The following PIEZO2 variants were observed in gnomAD, a reference collection of about 807,000 sequenced individuals.
PIEZO2 encodes the protein piezo-type mechanosensitive ion channel component 2.
In PIEZO2, 172 loss-of-function variants were observed where a neutral mutation model predicts 337.3. The ratio of observed to expected loss-of-function variants is 0.51; its 90% CI spans 0.45 to 0.58. The LOEUF (loss-of-function observed/expected upper bound fraction) is 0.58, where lower values mean the gene tolerates loss of function less well. Ranked by LOEUF, PIEZO2 falls within the 20% of genes least tolerant of loss-of-function variation. The pLI is 0.00. For synonymous variants in PIEZO2, 1,251 were observed against 1,228.5 expected, an observed-to-expected ratio of 1.02 and a Z score of -0.38; for missense variants, 3,028 against 3,391.3, an observed-to-expected ratio of 0.89 and a Z score of 2.66.
rs531783126 is a variant in PIEZO2, at chr18:10,952,210, T to C, written c.286+27325A>G. Among the ~76,000 whole-genome samples the C allele has an allele frequency of 4.6e-5, 7 of 152,334 alleles. No individual in the cohort carries two copies. In the South Asian group the frequency reaches 1.5e-3, roughly 32 times the overall value. ...ATGTGTTACCACTGTGGTCGCTGGCTCTTTTTAAATCATTTTTTTTCTTAT... is the reference window on the plus strand; with the variant it reads ...ATGTGTTACCACTGTGGTCGCTGGCCCTTTTTAAATCATTTTTTTTCTTAT... On this transcript the variant is annotated intron_variant, in intron 3 of 55. Coordinates refer to ENST00000674853, the MANE Select transcript of PIEZO2 (RefSeq NM_001378183.1). This position sits in a 1 kb window ranked among gnomAD's most constrained non-coding sequence, Gnocchi z 4.1.
rs1410595491 is a variant in PIEZO2 at position 10,767,262 on chromosome 18, AG to A, written c.2946+2885del. On this transcript the variant is annotated intron_variant, in intron 21 of 55. Transcript: ENST00000674853. This position sits in a 1 kb window ranked among gnomAD's most constrained non-coding sequence, Gnocchi z 4.2. The stretch of plus-strand genomic sequence containing the variant: ...TGAATAAGATGCTGATGGAAAATAA[AG>A]GTTTCTCTGTTTCTTTTCCAGCAAC... Among the ~76,000 whole-genome samples the A allele has an allele frequency of 6.6e-6, 1 of 152,228 alleles. No individual in the cohort carries two copies. Among genetic ancestry groups the A allele is most frequent in the Admixed American group, 6.5e-5 (1 of 15,292 alleles).
rs1037157938 is a variant in PIEZO2 at position 11,028,733 on chromosome 18, C to G, written c.160+37394G>C. Among the ~76,000 whole-genome samples the G allele has an allele frequency of 1.3e-5, 2 of 152,188 alleles. No individual in the cohort carries two copies. Among genetic ancestry groups the G allele is most frequent in the African/African-American group, 2.4e-5 (1 of 41,448 alleles). On this transcript the variant is annotated intron_variant, in intron 2 of 55. Coordinates refer to ENST00000674853, the MANE Select transcript of PIEZO2 (RefSeq NM_001378183.1). The surrounding 1 kb of genome is among the most constrained non-coding windows in gnomAD (Gnocchi z 4.8). ...TCTGGAAGGAGAAGAAAGTGAGAAT[C>G]TGATCAGGTCTGAATAATACATGGC...
At chr18:10,975,916 C>T (rs1194755448) in intron 3 of PIEZO2, among the ~76,000 whole-genome samples, 1 of 152,114 alleles carries the variant, frequency 6.6e-6, no homozygotes, top group Non-Finnish European at 1.5e-5. Context: ...ACACTGATGA[C>T]CAAGACAGGT....
At position 10,762,996 on chromosome 18, in the gene PIEZO2, C is replaced by T. The variant is rs1017749700; in HGVS notation, c.3049G>A (p.Val1017Met). 6.5e-6 allele frequency: 10 copies of T among 1,537,332 alleles called. No individual in the cohort carries two copies. Among genetic ancestry groups the T allele is most frequent in the African/African-American group, 1.4e-5 (1 of 73,182 alleles). The change falls in exon 22 of 56, where the codon GTG (valine) becomes ATG (methionine). Residue 1017 changes from valine to methionine, a missense_variant. By Grantham distance (21) the Val-to-Met change is conservative. Transcript: ENST00000674853. Reference protein sequence around the residue: ...ASSVCTVWTCVIIVCKMLYQL... With the variant: ...ASSVCTVWTCMIIVCKMLYQL... ...TACAACATTTTGCAGACGATGATCA[C>T]ACACGTCCAGACTGTGCAGACACTT...
Position 11,003,012 on chromosome 18 carries a change from A to G in PIEZO2, c.161-23352T>C, listed in dbSNP as rs1192875944. Among the ~76,000 whole-genome samples the G allele has an allele frequency of 6.6e-6, 1 of 152,220 alleles. No homozygotes were observed. The highest frequency in any genetic ancestry group is 1.9e-4 in the East Asian group (1 of 5,190). ...CTGCTACCAGAGGCTTCCTCCTTGA[A>G]TGACCAACATCCGTTGCATGAGGTC... On this transcript the variant is annotated intron_variant, in intron 2 of 55. Coordinates refer to ENST00000674853, the MANE Select transcript of PIEZO2 (RefSeq NM_001378183.1). The surrounding 1 kb of genome is among the most constrained non-coding windows in gnomAD (Gnocchi z 4.6).
intron 52 of PIEZO2, among the ~76,000 whole-genome samples, chr18:10,678,933 CTTTTTTT>C (rs552952913): frequency 0.059 from 7,594 of 128,522 alleles, 279 homozygotes; most frequent in Middle Eastern, 0.15. Context: ...GCTGCAATTT[CTTTTTTT>C]TTTTTTTTTT....
intron 36 of PIEZO2, among the ~76,000 whole-genome samples, chr18:10,719,370 A>G (rs1345627342): frequency 1.3e-5 from 2 of 152,130 alleles, no homozygotes; most frequent in East Asian, 3.9e-4. Flanking sequence ...CCCGCATTTG[A>G]TAATCTCCAG....
intron 2 of PIEZO2, among the ~76,000 whole-genome samples, chr18:11,020,802 C>A (rs758318668): frequency 6.6e-6 from 1 of 152,152 alleles, no homozygotes; most frequent in Non-Finnish European, 1.5e-5. Flanking sequence ...AGAGAGCTTT[C>A]GGAATACTTG....
In PIEZO2 at chr18:11,105,443, C is replaced by T. The variant is rs927601200; in HGVS notation, c.65-39221G>A. 1.8e-4 allele frequency among the ~76,000 whole-genome samples: 27 copies of T among 152,186 alleles called. No homozygotes were observed. The highest frequency in any genetic ancestry group is 6.3e-4 in the African/African-American group (26 of 41,446). On this transcript the variant is annotated intron_variant, in intron 1 of 55. Coordinates refer to ENST00000674853, the MANE Select transcript of PIEZO2 (RefSeq NM_001378183.1). This position sits in a 1 kb window ranked among gnomAD's most constrained non-coding sequence, Gnocchi z 4.3. ...AACGCATTCCAGCACCTCACATCTTCATCCTCACGACACACTTCCACACTT... is the reference window on the plus strand; with the variant it reads ...AACGCATTCCAGCACCTCACATCTTTATCCTCACGACACACTTCCACACTT...
At chr18:10,958,734 T>C (rs1387634518) in intron 3 of PIEZO2, among the ~76,000 whole-genome samples, 2 of 152,188 alleles carry the variant, frequency 1.3e-5, no homozygotes, top group Non-Finnish European at 2.9e-5. Context: ...AACAAAAAGC[T>C]ACTTTTCCCA....
chr18:10,825,568 T>TTTTTTTTTTTTTTG (rs2040647679), intron 7 of PIEZO2, among the ~76,000 whole-genome samples: 1 of 149,092 alleles, frequency 6.7e-6, no homozygotes, highest in Non-Finnish European at 1.5e-5. Flanking sequence ...TTTTTTTTTT[T>TTTTTTTTTTTTTTG]GAGACAGAAT....
intron 2 of PIEZO2, among the ~76,000 whole-genome samples, chr18:11,045,570 T>C (rs547877302): frequency 1.1e-4 from 16 of 152,266 alleles, no homozygotes; most frequent in African/African-American, 3.6e-4. Context: ...CACTTGTTTA[T>C]GGTATGAGAA....
chr18:10,812,264 T>A (rs2040217098), intron 7 of PIEZO2, among the ~76,000 whole-genome samples: 1 of 152,222 alleles, frequency 6.6e-6, no homozygotes. Flanking sequence ...TTACTCAGAC[T>A]ACTACGAATA....
chr18:10,910,700 G>A (rs2030405347), intron 4 of PIEZO2, among the ~76,000 whole-genome samples: 1 of 152,178 alleles, frequency 6.6e-6, no homozygotes, highest in African/African-American at 2.4e-5. Flanking sequence ...TTTCTTTTGG[G>A]GAGATGCTGG....
In PIEZO2 at chr18:11,149,478, T is replaced by C. The variant is rs2040898662; in HGVS notation, c.-890A>G. The stretch of plus-strand genomic sequence containing the variant: ...CAAGAGAAAAACCAGCGCCGTCCCG[T>C]CGCCCAGCGCGACCACCGCCTGCCG... On this transcript the variant is annotated 5_prime_UTR_variant, in exon 1 of 56. Transcript: ENST00000674853. The surrounding 1 kb of genome is among the most constrained non-coding windows in gnomAD (Gnocchi z 8.7). 6.6e-6 allele frequency among the ~76,000 whole-genome samples: 1 copy of C among 151,676 alleles called. No individual in the cohort carries two copies. The highest frequency in any genetic ancestry group is 2.1e-4 in the South Asian group (1 of 4,814).
chr18:10,726,763 T>A lies in PIEZO2; in HGVS notation c.5029+4644A>T, dbSNP rs1345094585. The A allele has an allele frequency of 1.3e-6, 2 of 1,514,532 alleles. No homozygotes were observed. The highest frequency in any genetic ancestry group is 2.8e-5 in the African/African-American group (2 of 72,292). 93.8% of individuals were successfully genotyped at this position (1,514,532 alleles called of 1,614,324 possible). ...GACCATCGATTTCCCGCTGCTGACC[T>A]CACTGGGCAAGGTGTCCTATGAGGA... is the stretch of plus-strand genomic sequence containing the variant. On this transcript the variant is annotated intron_variant, in intron 36 of 55. Transcript: ENST00000674853. The surrounding 1 kb of genome is among the most constrained non-coding windows in gnomAD (Gnocchi z 5.9).
intron 3 of PIEZO2, among the ~76,000 whole-genome samples, chr18:10,923,379 A>T (rs2031539789): frequency 6.6e-6 from 1 of 152,198 alleles, no homozygotes; most frequent in South Asian, 2.1e-4. Flanking sequence ...GAGAATTGTT[A>T]TAATTCCAAG....
intron 33 of PIEZO2, chr18:10,738,725 T>C (rs768440433): frequency 1.1e-4 from 16 of 152,214 alleles, no homozygotes; most frequent in Admixed American, 1.3e-4. Flanking sequence ...CCACTACTTT[T>C]ATCCTCAGAA....
At position 11,102,430 on chromosome 18, in the gene PIEZO2, A is replaced by G. The variant is rs532438874; in HGVS notation, c.65-36208T>C. ...GGGCAAAACCCTGATCTGATTGAAG[A>G]TCGAATCTCACCCTGTCCCCCACCA... On this transcript the variant is annotated intron_variant, in intron 1 of 55. Coordinates refer to ENST00000674853, the MANE Select transcript of PIEZO2 (RefSeq NM_001378183.1). The surrounding 1 kb of genome is among the most constrained non-coding windows in gnomAD (Gnocchi z 5.7). 9.2e-5 allele frequency among the ~76,000 whole-genome samples: 14 copies of G among 152,284 alleles called. No homozygotes were observed. Among genetic ancestry groups the G allele is most frequent in the African/African-American group, 2.9e-4 (12 of 41,574 alleles).
Sources: gnomAD v4.1 joint callset for allele counts (sites outside exome capture counted in the v4.1 genomes callset) on GRCh38, gnomAD v4.1.1 for gene constraint, Gnocchi (gnomAD v3.1) non-coding constraint, MANE v1.5 for transcripts, NCBI Gene and HGNC (gene_info 2026-07-23, HGNC 2026-07-21) for gene names.